The following NDRG2 variants were observed in gnomAD, a reference collection of about 807,000 sequenced individuals.
NDRG2 encodes the protein NDRG family member 2.
In NDRG2, 34 loss-of-function variants were observed where a neutral mutation model predicts 58.2. The ratio of observed to expected loss-of-function variants is 0.58; its 90% confidence interval spans 0.44 to 0.78. The LOEUF (loss-of-function observed/expected upper bound fraction) is 0.78, where lower values mean the gene tolerates loss of function less well. NDRG2 is among the 30% of genes least tolerant of loss of function. The pLI is 0.00. For synonymous variants in NDRG2, 187 were observed against 175.9 expected (o/e 1.06, Z -0.50); for missense variants, 434 against 471.2 (o/e 0.92, Z 0.73).
chr14:21,055,515 C>T (rs1885636270), intron 1 of NDRG2, among the ~76,000 whole-genome samples: 2 of 152,172 alleles, frequency 1.3e-5, no homozygotes, highest in African/African-American at 4.8e-5. Flanking sequence ...GGGGAAAACT[C>T]ATGATGAATG....
chr14:21,043,304 G>A, intron 1 of NDRG2: 1 of 1,614,180 alleles, frequency 6.2e-7, no homozygotes, highest in Non-Finnish European at 8.5e-7. Flanking sequence ...ACGGGGCCGT[G>A]TCCCTGACCA....
intron 1 of NDRG2, among the ~76,000 whole-genome samples, chr14:21,056,813 T>G (rs1295254851): frequency 6.6e-6 from 1 of 152,184 alleles, no homozygotes; most frequent in Non-Finnish European, 1.5e-5. Flanking sequence ...TTGCAGGAAC[T>G]CAAGCTCCCT....
chr14:21,070,339 G>T lies in NDRG2; in HGVS notation c.24+489C>A, dbSNP rs1001514789. 5.7e-6 allele frequency: 8 copies of T among 1,401,508 alleles called. No individual in the cohort carries two copies. The African/African-American group carries it at 1.2e-4, about 21-fold the overall frequency. 86.8% of individuals were successfully genotyped at this position (1,401,508 alleles called of 1,614,324 possible). On this transcript the variant is annotated intron_variant, in intron 1 of 14. Transcript: ENST00000403829. This position sits in a 1 kb window ranked among gnomAD's most constrained non-coding sequence, Gnocchi z 4.7. ...AGACACGAGCGGCGGGAGGGAGGCGGTGGCGCGCCCGGCCCCGCCCGCCCG... is the reference window on the plus strand; with the variant it reads ...AGACACGAGCGGCGGGAGGGAGGCGTTGGCGCGCCCGGCCCCGCCCGCCCG...
rs1877360277 is a variant in NDRG2, at chr14:21,017,515, G to C, written c.*81C>G. ...TGCCCTTTTTCCCTTGCTTACGGTG[G>C]CCCAATGCCCCTTCAGCACCTCCCA... On this transcript the variant is annotated 3_prime_UTR_variant, in exon 16 of 16. Coordinates refer to ENST00000556147, the MANE Select transcript of NDRG2 (RefSeq NM_001320329.2). The C allele has an allele frequency of 4.1e-6, 6 of 1,461,110 alleles. No individual in the cohort carries two copies. The Admixed American group carries it at 1.3e-4, about 32-fold the overall frequency. 90.5% of individuals were successfully genotyped at this position (1,461,110 alleles called of 1,614,324 possible). A position where few individuals can be genotyped will look rare whatever the true frequency, so the allele number is the denominator to read the frequency against.
At chr14:21,033,160 G>T (rs760999881) in intron 1 of NDRG2, 2 of 373,686 alleles carry the variant, frequency 5.4e-6, no homozygotes, top group African/African-American at 2.1e-5. Flanking sequence ...GGAAGGCAGG[G>T]TGACTACGGT....
At chr14:21,033,892 T>C in intron 1 of NDRG2, 2 of 1,614,024 alleles carry the variant, frequency 1.2e-6, no homozygotes, top group Non-Finnish European at 1.7e-6. Context: ...AGGTAGAGCT[T>C]CTGGTTGGTT....
At chr14:21,056,011 G>T (rs766706527) in intron 1 of NDRG2, among the ~76,000 whole-genome samples, 25 of 152,148 alleles carry the variant, frequency 1.6e-4, no homozygotes, top group Non-Finnish European at 3.2e-4. Context: ...TGGAAAAGGT[G>T]AGTTCTACTG....
At chr14:21,058,107 A>T in intron 1 of NDRG2, 1 of 1,614,140 alleles carries the variant, frequency 6.2e-7, no homozygotes, top group Non-Finnish European at 8.5e-7. Flanking sequence ...ACCTTCCTGC[A>T]CGAGCCCTTC....
At chr14:21,020,978 G>A (rs1378557504) in intron 6 of NDRG2, 134 bp from the exon 7 acceptor site, 1 of 1,021,178 alleles carries the variant, frequency 9.8e-7, no homozygotes, top group East Asian at 2.5e-5. Context: ...CCTTTCTTTG[G>A]AGGACGCGAA....
At chr14:21,047,143 T>G (rs1479110558) in intron 1 of NDRG2, among the ~76,000 whole-genome samples, 1 of 152,208 alleles carries the variant, frequency 6.6e-6, no homozygotes, top group Non-Finnish European at 1.5e-5. Flanking sequence ...TGTGGAAATT[T>G]TAAATAATTG....
At position 21,020,528 on chromosome 14, in the gene NDRG2, C is replaced by A; in HGVS notation, c.523G>T (p.Ala175Ser). Residue 175 changes from alanine to serine, a missense_variant, in exon 8 of 16, where the codon GCC becomes TCC. Transcript: ENST00000556147. Reference sequence around the variant, plus strand: ...GCTGCCCAATCCATCCAACCCTTGGCATTGGGATCAATGTTGATGAGGACA... The same window carrying A: ...GCTGCCCAATCCATCCAACCCTTGGAATTGGGATCAATGTTGATGAGGACA... The part of the protein sequence containing the change: ...GLVLINIDPN[A>S]KGWMDWAAHK... 6.2e-7 allele frequency: 1 copy of A among 1,613,772 alleles called. No individual in the cohort carries two copies.
chr14:21,031,122 A>G (rs759508680), intron 1 of NDRG2: 1 of 1,614,118 alleles, frequency 6.2e-7, no homozygotes, highest in South Asian at 1.1e-5. Context: ...GAGAACATTT[A>G]TGGACTCATG....
chr14:21,017,534 C>G lies in NDRG2; in HGVS notation c.*62G>C. On this transcript the variant is annotated 3_prime_UTR_variant, in exon 16 of 16. Transcript: ENST00000556147. ...ACGGTGGCCCAATGCCCCTTCAGCACCTCCCAGGTTAGCTCTGGGGGAGGT... is the reference window on the plus strand; with the variant it reads ...ACGGTGGCCCAATGCCCCTTCAGCAGCTCCCAGGTTAGCTCTGGGGGAGGT... The G allele has an allele frequency of 1.3e-6, 2 of 1,550,212 alleles. No individual in the cohort carries two copies. The highest frequency in any genetic ancestry group is 4.6e-5 in the East Asian group (2 of 43,562).
chr14:21,017,610 C>A lies in NDRG2; in HGVS notation c.1102G>T (p.Glu368Ter). ...LSSGPPGHTM[E>*]VSC Reference sequence around the variant, plus strand: ...ACAAGGGCCATTCAACAGGAGACCTCCATGGTGTGCCCCGGGGGCCCCGAA... The same window carrying A: ...ACAAGGGCCATTCAACAGGAGACCTACATGGTGTGCCCCGGGGGCCCCGAA... Residue 368 changes from glutamate to a stop codon, truncating the protein, a stop_gained, in exon 16 of 16, where the codon GAG (glutamate) becomes TAG (stop). Coordinates refer to ENST00000556147, the MANE Select transcript of NDRG2 (RefSeq NM_001320329.2). LOFTEE classifies it high-confidence loss of function. The A allele has an allele frequency of 6.2e-7, 1 of 1,613,710 alleles. No individual in the cohort carries two copies. The highest frequency in any genetic ancestry group is 1.1e-5 in the South Asian group (1 of 90,920).
At chr14:21,060,485 G>T (rs1885901916) in intron 1 of NDRG2, among the ~76,000 whole-genome samples, 1 of 152,196 alleles carries the variant, frequency 6.6e-6, no homozygotes, top group African/African-American at 2.4e-5. Flanking sequence ...AAATGACGGT[G>T]TTTCCCAGGG....
At chr14:21,044,197 T>C (rs1885042209) in intron 1 of NDRG2, 1 of 167,052 alleles carries the variant, frequency 6.0e-6, no homozygotes, top group African/African-American at 2.4e-5. Context: ...AGTTACCCTG[T>C]GTTGGCTGCA....
At chr14:21,033,129 A>G (rs1469645885) in intron 1 of NDRG2, 1 of 384,528 alleles carries the variant, frequency 2.6e-6, no homozygotes, top group Non-Finnish European at 5.1e-6. Context: ...AGAAGACTGG[A>G]AGAAAAAGAG....
upstream of NDRG2, chr14:21,025,266 A>C: frequency 1.1e-6 from 1 of 888,422 alleles, no homozygotes; most frequent in Non-Finnish European, 1.3e-6. The surrounding 1 kb of genome is among the most constrained non-coding windows in gnomAD (Gnocchi z 5.1). Context: ...GGACGCTTCC[A>C]GGCTCTGCTC....
In NDRG2 at chr14:21,033,978, T is replaced by C. The variant is rs1213871966; in HGVS notation, c.25-10657A>G. On this transcript the variant is annotated intron_variant, in intron 1 of 14. Coordinates refer to the NDRG2 transcript ENST00000403829. ...GCAGACCGTGATGGGGAGGGAATCCTGGGTGAGTGTGCAGTATTCATTGTA... is the reference window on the plus strand; with the variant it reads ...GCAGACCGTGATGGGGAGGGAATCCCGGGTGAGTGTGCAGTATTCATTGTA... 1 of 1,613,940 alleles carries C rather than the reference T, an allele frequency of 6.2e-7. No individual in the cohort carries two copies. Among genetic ancestry groups the C allele is most frequent in the Non-Finnish European group, 8.5e-7 (1 of 1,179,952 alleles).
Sources: gnomAD v4.1 joint callset for allele counts (sites outside exome capture counted in the v4.1 genomes callset) on GRCh38, gnomAD v4.1.1 for gene constraint, Gnocchi (gnomAD v3.1) non-coding constraint, MANE v1.5 for transcripts, NCBI Gene and HGNC (gene_info 2026-07-23, HGNC 2026-07-21) for gene names.